TIMM23B: variants seen among roughly 807,000 people sequenced by gnomAD.
TIMM23B encodes mitochondrial import inner membrane translocase subunit Tim23B.
Under a neutral mutation model 27.3 loss-of-function variants are expected in TIMM23B, and 27 were observed. The observed-to-expected ratio is 0.99, with a 90% CI of 0.73 to 1.36. TIMM23B has a LOEUF of 1.36. Ranked by LOEUF, TIMM23B falls within the 40% of genes most tolerant of loss-of-function variation. TIMM23B has a pLI of 0.00. For missense variants in TIMM23B, 205 were observed against 244.2 expected (o/e 0.84, Z 1.07); for synonymous variants, 73 against 92.4 (o/e 0.79, Z 1.21).
chr10:49,960,251 A>C (rs1258767506), intron 6 of TIMM23B, among the ~76,000 whole-genome samples: 1 of 147,430 alleles, frequency 6.8e-6, no homozygotes, highest in Admixed American at 6.8e-5. Context: ...GGGTCTCACT[A>C]TGTTGCCCAG....
intron 2 of TIMM23B, among the ~76,000 whole-genome samples, chr10:49,948,155 A>G (rs1215713263): frequency 1.3e-5 from 2 of 152,214 alleles, no homozygotes; most frequent in Non-Finnish European, 2.9e-5. Context: ...AATTAGAGAA[A>G]TAAAACCACA....
At chr10:49,957,105 C>G (rs61847089) in intron 5 of TIMM23B, among the ~76,000 whole-genome samples, 1 of 151,876 alleles carries the variant, frequency 6.6e-6, no homozygotes, top group African/African-American at 2.4e-5. Flanking sequence ...TGATGCTGAT[C>G]GCAAGCTCCA....
intron 6 of TIMM23B, among the ~76,000 whole-genome samples, chr10:49,960,210 A>AT (rs71258794): frequency 1.5e-3 from 207 of 137,852 alleles, no homozygotes; most frequent in African/African-American, 2.2e-3. Context: ...CACCCAGCTA[A>AT]TTTTTTTTTT....
chr10:49,964,480 G>A (rs1201674340), intron 6 of TIMM23B, among the ~76,000 whole-genome samples: 6 of 143,724 alleles, frequency 4.2e-5, no homozygotes, highest in Non-Finnish European at 9.1e-5. Flanking sequence ...ATGAAATAAT[G>A]AAATGAATAA....
intron 2 of TIMM23B, among the ~76,000 whole-genome samples, chr10:49,949,197 C>CTTTTT (rs1318050672): frequency 1.2e-4 from 13 of 106,576 alleles, no homozygotes; most frequent in African/African-American, 4.5e-4. Context: ...CATGCCTGGC[C>CTTTTT]TTTTTTTTTT....
intron 4 of TIMM23B, among the ~76,000 whole-genome samples, chr10:49,953,905 A>G (rs1373945579): frequency 1.3e-5 from 2 of 152,206 alleles, no homozygotes. Flanking sequence ...TTTTGAGACA[A>G]AAACCCCAAT....
At chr10:49,958,031 G>T (rs1230020010) in intron 5 of TIMM23B, among the ~76,000 whole-genome samples, 2 of 152,196 alleles carry the variant, frequency 1.3e-5, no homozygotes, top group Non-Finnish European at 2.9e-5. Flanking sequence ...AGACAGGAAG[G>T]TGTGGGGAAA....
At chr10:49,958,285 A>G in intron 5 of TIMM23B, 85 bp from the exon 6 acceptor site, 1 of 825,456 alleles carries the variant, frequency 1.2e-6, no homozygotes, top group Non-Finnish European at 2.1e-6. Context: ...TGAGCTAGGA[A>G]CCATGGATGA....
At chr10:49,944,262 A>G (rs1199035765) in intron 1 of TIMM23B, among the ~76,000 whole-genome samples, 3 of 152,222 alleles carry the variant, frequency 2.0e-5, no homozygotes, top group Admixed American at 1.3e-4. Context: ...TTGCTGTGAG[A>G]TATGATGGTT....
At chr10:49,946,266 A>G (rs1342854051) in intron 2 of TIMM23B, among the ~76,000 whole-genome samples, 5 of 150,926 alleles carry the variant, frequency 3.3e-5, no homozygotes, top group Admixed American at 2.6e-4. Context: ...CAAAGCTAAC[A>G]TAATTTAATG....
chr10:49,969,752 C>T (rs1199483477), intron 6 of TIMM23B, among the ~76,000 whole-genome samples: 4 of 151,954 alleles, frequency 2.6e-5, no homozygotes, highest in African/African-American at 9.7e-5. Flanking sequence ...CTGGCTCTCC[C>T]TCTCACTCTC....
chr10:49,960,210 A>G (rs1839852370), intron 6 of TIMM23B, among the ~76,000 whole-genome samples: 1 of 137,898 alleles, frequency 7.3e-6, no homozygotes, highest in East Asian at 2.1e-4. Context: ...CACCCAGCTA[A>G]TTTTTTTTTT....
chr10:49,945,137 A>C, intron 2 of TIMM23B, 47 bp downstream of exon 2: 1 of 1,601,436 alleles, frequency 6.2e-7, no homozygotes, highest in Non-Finnish European at 8.5e-7. Flanking sequence ...TACCATTTTT[A>C]AAAAAACGCC....
chr10:49,945,155 A>T lies in TIMM23B; in HGVS notation c.165+65A>T. The T allele has an allele frequency of 1.9e-6, 3 of 1,544,930 alleles. No individual in the cohort carries two copies. In the South Asian group the frequency reaches 3.4e-5, roughly 17 times the overall value. On this transcript the variant is annotated intron_variant, in intron 2 of 6. Transcript: ENST00000651259. ...CATTTTTAAAAAAACGCCAAGTGCT[A>T]TGCTGACTTGAACTATGACATACAC...
intron 2 of TIMM23B, among the ~76,000 whole-genome samples, 185 bp downstream of exon 2, chr10:49,945,275 C>G (rs1281004908): frequency 3.9e-5 from 6 of 152,174 alleles, no homozygotes; most frequent in Non-Finnish European, 7.4e-5. Flanking sequence ...AGTTAACTCC[C>G]TTCAAAAGCT....
intron 6 of TIMM23B, among the ~76,000 whole-genome samples, chr10:49,968,906 C>A (rs1359857191): frequency 1.3e-5 from 2 of 152,176 alleles, no homozygotes; most frequent in African/African-American, 4.8e-5. Flanking sequence ...AAAGGTCCGC[C>A]TAATACCTTG....
chr10:49,967,178 C>G (rs1223836446), intron 6 of TIMM23B, among the ~76,000 whole-genome samples: 1 of 152,142 alleles, frequency 6.6e-6, no homozygotes, highest in African/African-American at 2.4e-5. Context: ...CTGCCTTGGC[C>G]TCCCAAGTAT....
At chr10:49,965,030 G>T (rs1221916511) in intron 6 of TIMM23B, among the ~76,000 whole-genome samples, 1 of 152,200 alleles carries the variant, frequency 6.6e-6, no homozygotes, top group East Asian at 1.9e-4. Context: ...AGATCAGCCT[G>T]GCCAACATGG....
chr10:49,970,201 G>C (rs1840363487), intron 6 of TIMM23B: 1 of 153,988 alleles, frequency 6.5e-6, no homozygotes, highest in African/African-American at 2.4e-5. Context: ...TGCAGCCTCT[G>C]CCCGGCTGCC....
Sources: gnomAD v4.1 joint callset for allele counts (sites outside exome capture counted in the v4.1 genomes callset) on GRCh38, gnomAD v4.1.1 for gene constraint, MANE v1.5 for transcripts, NCBI Gene and HGNC (gene_info 2026-07-23, HGNC 2026-07-21) for gene names.